Variants in KTN1 observed in about 807,000 individuals in gnomAD.
KTN1 encodes the protein kinectin 1.
In KTN1, 130 loss-of-function variants were observed where a neutral mutation model predicts 222.5. That is an observed-to-expected ratio of 0.58 (90% CI 0.51 to 0.68). The LOEUF is 0.68. KTN1 is among the 30% of genes least tolerant of loss of function. The pLI, the probability that KTN1 is intolerant of heterozygous loss-of-function variation, is 0.00. For missense variants in KTN1, 1,508 were observed against 1,500.4 expected (o/e 1.01, Z -0.08); for synonymous variants, 512 against 496.3 (o/e 1.03, Z -0.42).
intron 5 of KTN1, among the ~76,000 whole-genome samples, chr14:55,625,850 A>AT (rs2039747985): frequency 1.3e-5 from 2 of 152,092 alleles, no homozygotes; most frequent in South Asian, 4.2e-4. Context: ...GCCAGCCTGC[A>AT]TTTTGCACCC....
chr14:55,639,945 C>G lies in KTN1; in HGVS notation c.1856C>G (p.Thr619Ser), dbSNP rs1346920604. ...IAEKDKQIKQ[T>S]EDSLASERDR... The stretch of plus-strand genomic sequence containing the variant: ...GAAAAGGATAAGCAGATAAAACAGA[C>G]TGAAGATTCTTTAGCAAGTGAACGT... The change falls in exon 14 of 44, where the codon ACT (threonine) becomes AGT (serine). Residue 619 changes from threonine (T) to serine (S), a missense_variant. Thr to Ser is a moderately conservative substitution (Grantham distance 58). Transcript: ENST00000395314. The G allele has an allele frequency of 1.2e-6, 2 of 1,607,814 alleles. No homozygotes were observed. Among genetic ancestry groups the G allele is most frequent in the Non-Finnish European group, 8.5e-7 (1 of 1,175,046 alleles).
At chr14:55,582,766 T>C (rs1212072955) in intron 1 of KTN1, among the ~76,000 whole-genome samples, 1 of 152,204 alleles carries the variant, frequency 6.6e-6, no homozygotes, top group Admixed American at 6.5e-5. Flanking sequence ...CTTGGGAATC[T>C]GACCTAATAT....
chr14:55,676,441 ATAG>A (rs2045896780), intron 41 of KTN1, among the ~76,000 whole-genome samples: 2 of 152,116 alleles, frequency 1.3e-5, no homozygotes, highest in African/African-American at 2.4e-5. Context: ...TCTATTTTTA[ATAG>A]TAGAATTCAC....
intron 5 of KTN1, among the ~76,000 whole-genome samples, chr14:55,620,273 C>T (rs566453334): frequency 1.3e-5 from 2 of 152,236 alleles, no homozygotes; most frequent in South Asian, 2.1e-4. Flanking sequence ...CATGGGCTGG[C>T]GTTGAGGGTC....
Position 55,633,252 on chromosome 14 carries a change from G to A in KTN1, c.1239G>A (p.Glu413=). ...AATTTTAGTTTCAGCAAGTTCGTGA[G>A]CAGATGGAGGCAGAGATAGCTCACT... The part of the protein sequence containing the change: ...QMQMKFQQVR[E]QMEAEIAHLK... The change falls in exon 8 of 44, where the codon GAG becomes GAA. Residue 413 remains glutamate (E), a synonymous_variant. Coordinates refer to ENST00000395314, the MANE Select transcript of KTN1 (RefSeq NM_001079521.2). The A allele has an allele frequency of 7.6e-6, 12 of 1,581,692 alleles. No homozygotes were observed. Among genetic ancestry groups the A allele is most frequent in the South Asian group, 1.2e-5 (1 of 85,664 alleles).
At chr14:55,643,871 ATGTTT>A (rs753252594) in intron 18 of KTN1, among the ~76,000 whole-genome samples, 1 of 152,126 alleles carries the variant, frequency 6.6e-6, no homozygotes, top group Non-Finnish European at 1.5e-5. Context: ...GTACTTTTAG[ATGTTT>A]TGTTAAAGTG....
chr14:55,633,590 T>C (rs1307534108), intron 8 of KTN1, among the ~76,000 whole-genome samples: 5 of 151,504 alleles, frequency 3.3e-5, no homozygotes, highest in African/African-American at 9.7e-5. Context: ...ATATATCATA[T>C]ATTACATATT....
At chr14:55,610,516 A>G (rs2037386424) in intron 1 of KTN1, among the ~76,000 whole-genome samples, 1 of 152,222 alleles carries the variant, frequency 6.6e-6, no homozygotes, top group Non-Finnish European at 1.5e-5. Flanking sequence ...CCGTTTAGGT[A>G]GAATTTGGTT....
chr14:55,650,268 T>A, intron 22 of KTN1, 60 bp from the exon 23 acceptor site: 1 of 1,091,696 alleles, frequency 9.2e-7, no homozygotes, highest in South Asian at 1.5e-5. Context: ...GGTGCTATTT[T>A]TATATCTTGG....
chr14:55,676,038 TA>T (rs1490150229), intron 41 of KTN1, 120 bp downstream of exon 41: 2 of 623,688 alleles, frequency 3.2e-6, no homozygotes, highest in African/African-American at 1.9e-5. Context: ...TAACCTTTTA[TA>T]AATTTAAGCT....
intron 13 of KTN1, 43 bp downstream of exon 13, chr14:55,639,265 C>T: frequency 7.4e-7 from 1 of 1,345,328 alleles, no homozygotes; most frequent in Non-Finnish European, 1.1e-6. Context: ...GTAGTCACCA[C>T]TAACTGATAC....
At chr14:55,615,286 C>A (rs2140675934) in intron 2 of KTN1, among the ~76,000 whole-genome samples, 1 of 152,224 alleles carries the variant, frequency 6.6e-6, no homozygotes, top group East Asian at 1.9e-4. Flanking sequence ...TCACCACTAG[C>A]CAAGTCCAGA....
At position 55,612,262 on chromosome 14, in the gene KTN1, C is replaced by T. The variant is rs778012401; in HGVS notation, c.214C>T (p.Leu72Phe). The change falls in exon 2 of 44, where the codon CTC (leucine) becomes TTC (phenylalanine). Residue 72 changes from leucine (L) to phenylalanine (F), a missense_variant. Leu to Phe is a conservative substitution (Grantham distance 22). Transcript: ENST00000395314. Reference protein sequence around the residue: ...NKKKEIQNGNLHESDSESVPR... With the variant: ...NKKKEIQNGNFHESDSESVPR... Reference sequence around the variant, plus strand: ...AAAGAAAGAAATCCAGAATGGAAACCTCCATGAATCCGACTCTGAGAGTGT... The same window carrying T: ...AAAGAAAGAAATCCAGAATGGAAACTTCCATGAATCCGACTCTGAGAGTGT... 8.8e-6 allele frequency: 14 copies of T among 1,594,684 alleles called. No homozygotes were observed. The highest frequency in any genetic ancestry group is 1.4e-5 in the African/African-American group (1 of 73,296).
rs1295323235 is a variant in KTN1 at position 55,684,136 on chromosome 14, A to G, written c.*33A>G. On this transcript the variant is annotated 3_prime_UTR_variant, in exon 44 of 44. Coordinates refer to ENST00000395314, the MANE Select transcript of KTN1 (RefSeq NM_001079521.2). ...GGGAAACTGTTCATTTGAGGATAAA[A>G]AAGGCATTGTATTATATTTTGCCAA... The G allele has an allele frequency of 1.3e-6, 2 of 1,574,454 alleles. No homozygotes were observed. Among genetic ancestry groups the G allele is most frequent in the Non-Finnish European group, 1.7e-6 (2 of 1,149,236 alleles).
intron 31 of KTN1, among the ~76,000 whole-genome samples, chr14:55,660,354 A>G (rs1461903212): frequency 5.4e-5 from 8 of 149,242 alleles, no homozygotes; most frequent in African/African-American, 1.5e-4. Flanking sequence ...AAAAAAATAC[A>G]TACATATAGT....
At chr14:55,640,332 A>G in intron 14 of KTN1, 42 bp from the exon 15 acceptor site, 1 of 1,265,370 alleles carries the variant, frequency 7.9e-7, no homozygotes, top group Non-Finnish European at 1.1e-6. Flanking sequence ...CTTTAAAATC[A>G]GTTGTATTAA....
At chr14:55,609,924 G>A (rs1428051639) in intron 1 of KTN1, among the ~76,000 whole-genome samples, 4 of 152,074 alleles carry the variant, frequency 2.6e-5, no homozygotes, top group Admixed American at 6.5e-5. Context: ...CCTGGTTGAC[G>A]AATCACACTT....
chr14:55,627,695 A>C (rs898083853), intron 5 of KTN1, among the ~76,000 whole-genome samples: 1 of 151,984 alleles, frequency 6.6e-6, no homozygotes, highest in Admixed American at 6.5e-5. Context: ...ACTCCCACTT[A>C]TGAGTGAGAA....
intron 20 of KTN1, 105 bp from the exon 21 acceptor site, chr14:55,648,697 G>C (rs1453679653): frequency 1.2e-5 from 9 of 757,118 alleles, no homozygotes; most frequent in Non-Finnish European, 1.8e-5. Context: ...GGGCCTTCCA[G>C]AGTAGAAAAG....
Sources: allele counts gnomAD v4.1 joint callset (sites outside exome capture counted in the v4.1 genomes callset), GRCh38; gene constraint gnomAD v4.1.1; transcripts MANE v1.5; gene names NCBI Gene and HGNC (gene_info 2026-07-23, HGNC 2026-07-21).